The following SHMT1 variants were observed in gnomAD, a reference collection of about 807,000 sequenced individuals.
The protein encoded by SHMT1 is serine hydroxymethyltransferase, cytosolic.
Under a neutral mutation model 49.0 loss-of-function variants are expected in SHMT1, and 45 were observed. That is an observed-to-expected ratio of 0.92 (90% CI 0.72 to 1.18). The LOEUF is 1.18. SHMT1 is among the 50% of genes most tolerant of loss of function. The pLI, the probability that SHMT1 is intolerant of heterozygous loss-of-function variation, is 0.00. For missense variants in SHMT1, 541 were observed against 612.4 expected (o/e 0.88, Z 1.23); for synonymous variants, 232 against 246.6 (o/e 0.94, Z 0.55).
chr17:18,338,711 C>T (rs1320412282), intron 7 of SHMT1, among the ~76,000 whole-genome samples: 2 of 152,208 alleles, frequency 1.3e-5, no homozygotes, highest in Non-Finnish European at 2.9e-5. Flanking sequence ...TTGTTCTGTA[C>T]TAAGAAAAAT....
At chr17:18,346,221 CT>C (rs1055980797) in intron 5 of SHMT1, among the ~76,000 whole-genome samples, 8 of 152,178 alleles carry the variant, frequency 5.3e-5, no homozygotes, top group Admixed American at 2.6e-4. Flanking sequence ...GCAGTGCTAC[CT>C]TTTTTCATGG....
intron 7 of SHMT1, 62 bp from the exon 8 acceptor site, chr17:18,335,737 C>T: frequency 8.3e-7 from 1 of 1,201,784 alleles, no homozygotes. Context: ...TCTTTTTAGG[C>T]TCAAACCCAG....
chr17:18,329,296 C>T lies in SHMT1; in HGVS notation c.1264G>A (p.Ala422Thr). 2 of 1,612,592 alleles carry T rather than the reference C, an allele frequency of 1.2e-6. No individual in the cohort carries two copies. Among genetic ancestry groups the T allele is most frequent in the Non-Finnish European group, 1.7e-6 (2 of 1,179,190 alleles). ...TCCTTACCTCTGTGAATAAAGTGGG[C>T]TACTTTTTGGAAGTCTTTTTCCAAA... ...GLLEKDFQKVAHFIHRGIELT... is the reference protein window; with the variant it reads ...GLLEKDFQKVTHFIHRGIELT... Residue 422 changes from alanine (A) to threonine (T), a missense_variant, in exon 11 of 12, where the codon GCC becomes ACC. Ala to Thr is a moderately conservative substitution (Grantham distance 58, BLOSUM62 0). Transcript: ENST00000316694.
rs1323562284 is a variant in SHMT1, at chr17:18,328,779, A to C, written c.1423T>G (p.Phe475Val). 6.3e-6 allele frequency: 10 copies of C among 1,593,912 alleles called. No individual in the cohort carries two copies. The highest frequency in any genetic ancestry group is 4.0e-5 in the African/African-American group (3 of 74,470). Residue 475 changes from phenylalanine to valine, a missense_variant, in exon 12 of 12, where the codon TTC (phenylalanine) becomes GTC (valine). By Grantham distance (50) the Phe-to-Val change is conservative (BLOSUM62 -1). Transcript: ENST00000316694. ...AAGTCAGGCAGGCCAGGCAGAGGGA[A>C]GAGAGAGGCGAAGCTCTCAACCTCC... ...REEVESFASL[F>V]PLPGLPDF
intron 9 of SHMT1, chr17:18,330,878 G>T (rs897121270): frequency 1.6e-6 from 1 of 610,432 alleles, no homozygotes; most frequent in South Asian, 1.7e-5. Flanking sequence ...TTTGAAAGGG[G>T]TAACTGATCA....
intron 5 of SHMT1, among the ~76,000 whole-genome samples, chr17:18,345,714 C>T (rs976407135): frequency 1.3e-5 from 2 of 149,948 alleles, no homozygotes; most frequent in Non-Finnish European, 3.0e-5. Context: ...GAGTTTCACT[C>T]TTGTCGCCCA....
intron 8 of SHMT1, among the ~76,000 whole-genome samples, chr17:18,333,690 G>A (rs1297416337): frequency 6.6e-6 from 1 of 151,874 alleles, no homozygotes; most frequent in East Asian, 1.9e-4. Flanking sequence ...GGCTGGTCTT[G>A]AACTCCTGAC....
chr17:18,334,866 C>T (rs957354597), intron 8 of SHMT1, among the ~76,000 whole-genome samples: 13 of 152,120 alleles, frequency 8.5e-5, no homozygotes, highest in African/African-American at 2.7e-4. Context: ...AGAACACACC[C>T]GGGACCCCAG....
intron 10 of SHMT1, among the ~76,000 whole-genome samples, chr17:18,329,676 T>C (rs1982965994): frequency 6.6e-6 from 1 of 152,154 alleles, no homozygotes; most frequent in African/African-American, 2.4e-5. Flanking sequence ...CATCAATATT[T>C]TGTTAACAAC....
intron 4 of SHMT1, 67 bp from the exon 5 acceptor site, chr17:18,347,723 T>C (rs1030378315): frequency 3.1e-5 from 49 of 1,583,706 alleles, no homozygotes; most frequent in Non-Finnish European, 4.2e-5. Context: ...ATCCGGGACC[T>C]TGGCCACTAA....
intron 2 of SHMT1, among the ~76,000 whole-genome samples, chr17:18,354,975 C>T (rs1168296792): frequency 1.5e-5 from 2 of 135,282 alleles, no homozygotes; most frequent in African/African-American, 5.6e-5. Flanking sequence ...GGCGTGAACC[C>T]GGGAGATGGA....
chr17:18,353,558 C>G lies in SHMT1; in HGVS notation c.242+114G>C. The G allele has an allele frequency of 2.7e-6, 3 of 1,115,224 alleles. No homozygotes were observed. In the East Asian group the frequency reaches 7.0e-5, roughly 26 times the overall value. 69.1% of individuals were successfully genotyped at this position (1,115,224 alleles called of 1,614,324 possible). A position where few individuals can be genotyped will look rare whatever the true frequency, so the allele number is the denominator to read the frequency against. ...CAGAGAGCAGGCGTGGAACAGAAAT[C>G]CTACAGCTGGGAAGCTTATTGTTTT... On this transcript the variant is annotated intron_variant, in intron 3 of 11. Coordinates refer to ENST00000316694, the MANE Select transcript of SHMT1 (RefSeq NM_004169.5).
intron 2 of SHMT1, among the ~76,000 whole-genome samples, chr17:18,354,889 T>A (rs599147): frequency 0.67 from 90,095 of 134,198 alleles, 29,863 homozygotes; most frequent in African/African-American, 0.74. Flanking sequence ...AAAAAAAAAA[T>A]AATACAAAAA....
At chr17:18,360,805 T>C (rs894589711) in intron 1 of SHMT1, among the ~76,000 whole-genome samples, 12 of 151,904 alleles carry the variant, frequency 7.9e-5, no homozygotes, top group Non-Finnish European at 1.8e-4. Flanking sequence ...ACCTGAAGTC[T>C]GGGGAGTCAC....
intron 7 of SHMT1, among the ~76,000 whole-genome samples, chr17:18,337,456 CT>C (rs969224511): frequency 2.0e-5 from 3 of 152,168 alleles, no homozygotes; most frequent in African/African-American, 7.2e-5. Flanking sequence ...TGCTGAGAAG[CT>C]GAGGGGGCAT....
chr17:18,335,507 G>C, intron 8 of SHMT1, 52 bp downstream of exon 8: 1 of 1,285,648 alleles, frequency 7.8e-7, no homozygotes, highest in Non-Finnish European at 1.1e-6. Flanking sequence ...TGGAGGACAG[G>C]TGGGATGGGA....
rs558861231 is a variant in SHMT1 at position 18,346,700 on chromosome 17, A to C, written c.519+796T>G. Among the ~76,000 whole-genome samples the C allele has an allele frequency of 2.6e-5, 4 of 152,178 alleles. No homozygotes were observed. The East Asian group carries it at 5.8e-4, about 22-fold the overall frequency. ...GTCAAAAATGCATGTAATATACCTAACCTACCAAACATCACAACCTAGTCT... is the reference window on the plus strand; with the variant it reads ...GTCAAAAATGCATGTAATATACCTACCCTACCAAACATCACAACCTAGTCT... On this transcript the variant is annotated intron_variant, in intron 5 of 11. Coordinates refer to ENST00000316694, the MANE Select transcript of SHMT1 (RefSeq NM_004169.5).
Position 18,340,012 on chromosome 17 carries a change from A to AC in SHMT1, c.814+30dup. On this transcript the variant is annotated intron_variant, in intron 7 of 11. Coordinates refer to ENST00000316694, the MANE Select transcript of SHMT1 (RefSeq NM_004169.5). The surrounding 1 kb of genome is among the most constrained non-coding windows in gnomAD (Gnocchi z 4.5). ...CCACAGGAGAAATGTAAACCATGGT[A>AC]CCCATCTGTACCCAACATTCGGGAG... is the stretch of plus-strand genomic sequence containing the variant. 1 of 1,598,050 alleles carries AC rather than the reference A, an allele frequency of 6.3e-7. No individual in the cohort carries two copies. Among genetic ancestry groups the AC allele is most frequent in the Non-Finnish European group, 8.6e-7 (1 of 1,169,500 alleles).
rs1411172453 is a variant in SHMT1, at chr17:18,329,320, A to G, written c.1240T>C (p.Leu414=). 2 of 1,613,258 alleles carry G rather than the reference A, an allele frequency of 1.2e-6. No homozygotes were observed. The highest frequency in any genetic ancestry group is 1.7e-6 in the Non-Finnish European group (2 of 1,180,028). ...GTPALTSRGL[L]EKDFQKVAHF... ...GCTACTTTTTGGAAGTCTTTTTCCA[A>G]AAGTCCACGGGACGTCAGTGCTGGG... is the stretch of plus-strand genomic sequence containing the variant. Residue 414 remains leucine (L), a synonymous_variant, in exon 11 of 12, where the codon TTG becomes CTG. Coordinates refer to ENST00000316694, the MANE Select transcript of SHMT1 (RefSeq NM_004169.5).
Sources: allele counts gnomAD v4.1 joint callset (sites outside exome capture counted in the v4.1 genomes callset), GRCh38; gene constraint gnomAD v4.1.1; non-coding constraint Gnocchi (gnomAD v3.1); transcripts MANE v1.5; gene names NCBI Gene and HGNC (gene_info 2026-07-23, HGNC 2026-07-21).